The following CNTN5 variants were observed in gnomAD, a reference collection of about 807,000 sequenced individuals.
CNTN5 encodes the protein contactin 5, also known as contactin-5.
A neutral mutation model predicts 129.1 loss-of-function variants in CNTN5; 77 were observed. That is an observed-to-expected ratio of 0.60 (90% confidence interval 0.50 to 0.72). The LOEUF is 0.72. Among genes scored for constraint, CNTN5 ranks in the 30% least tolerant of loss-of-function variants. The pLI, the probability that CNTN5 is intolerant of heterozygous loss-of-function variation, is 0.00. For missense variants in CNTN5, 1,478 were observed against 1,328.8 expected, an observed-to-expected ratio of 1.11 and a Z score of -1.75; for synonymous variants, 509 against 465.6, an observed-to-expected ratio of 1.09 and a Z score of -1.20.
At chr11:99,810,703 TC>T (rs1248258485) in intron 3 of CNTN5, among the ~76,000 whole-genome samples, 1 of 152,138 alleles carries the variant, frequency 6.6e-6, no homozygotes, top group Non-Finnish European at 1.5e-5. Flanking sequence ...GTTTCATCCA[TC>T]CTTGCAAGCT....
At chr11:100,021,352 A>G (rs1318705434) in intron 9 of CNTN5, among the ~76,000 whole-genome samples, 2 of 152,132 alleles carry the variant, frequency 1.3e-5, no homozygotes, top group Non-Finnish European at 2.9e-5. Context: ...TGTTGCTCAA[A>G]TCTTCTATAT....
At chr11:99,226,068 T>C (rs1471421300) in intron 1 of CNTN5, among the ~76,000 whole-genome samples, 3 of 152,198 alleles carry the variant, frequency 2.0e-5, no homozygotes, top group Non-Finnish European at 4.4e-5. Context: ...TTACAAACTA[T>C]TAAGCAAATT....
At chr11:100,181,157 G>A (rs558727171) in intron 13 of CNTN5, among the ~76,000 whole-genome samples, 6 of 152,106 alleles carry the variant, frequency 3.9e-5, no homozygotes, top group African/African-American at 1.4e-4. Context: ...CTGCCCAGAT[G>A]TTGTTCAATA....
chr11:100,041,339 G>C (rs1178328610), intron 9 of CNTN5, among the ~76,000 whole-genome samples: 1 of 151,930 alleles, frequency 6.6e-6, no homozygotes, highest in East Asian at 1.9e-4. Flanking sequence ...TATTCTTTAA[G>C]TCATTACTTA....
chr11:99,337,470 A>T (rs1866279247), intron 2 of CNTN5, among the ~76,000 whole-genome samples: 1 of 152,234 alleles, frequency 6.6e-6, no homozygotes, highest in Admixed American at 6.5e-5. Flanking sequence ...AAACGAAGGG[A>T]TAGGCCGAAT....
intron 3 of CNTN5, among the ~76,000 whole-genome samples, chr11:99,677,891 A>G (rs1591465983): frequency 6.6e-6 from 1 of 152,204 alleles, no homozygotes; most frequent in African/African-American, 2.4e-5. Flanking sequence ...TTCTAAACAT[A>G]CCAAACACCT....
intron 6 of CNTN5, among the ~76,000 whole-genome samples, chr11:99,908,994 T>C (rs1402547017): frequency 2.0e-5 from 3 of 152,112 alleles, no homozygotes; most frequent in Non-Finnish European, 4.4e-5. Context: ...AAAACGGGGC[T>C]AATGAAAGTT....
chr11:100,088,543 G>A (rs1400791584), intron 13 of CNTN5, among the ~76,000 whole-genome samples: 2 of 151,796 alleles, frequency 1.3e-5, no homozygotes. Flanking sequence ...AATAAGAAAT[G>A]ACAAAGGTCA....
intron 1 of CNTN5, among the ~76,000 whole-genome samples, chr11:99,255,307 A>G (rs1365745819): frequency 6.6e-6 from 1 of 151,862 alleles, no homozygotes; most frequent in Non-Finnish European, 1.5e-5. Flanking sequence ...AACTATATGT[A>G]ACGAATAGTA....
intron 2 of CNTN5, among the ~76,000 whole-genome samples, chr11:99,373,197 G>A (rs752340049): frequency 6.6e-6 from 1 of 152,074 alleles, no homozygotes; most frequent in Non-Finnish European, 1.5e-5. Context: ...TGACAAGAAC[G>A]AAACTCCATC....
intron 20 of CNTN5, among the ~76,000 whole-genome samples, chr11:100,303,370 A>AT (rs1306300962): frequency 6.6e-6 from 1 of 151,632 alleles, no homozygotes; most frequent in Non-Finnish European, 1.5e-5. Context: ...TTTTTCCAAG[A>AT]TAAAAAATTA....
At chr11:99,209,926 A>G (rs1239602835) in intron 1 of CNTN5, among the ~76,000 whole-genome samples, 1 of 152,160 alleles carries the variant, frequency 6.6e-6, no homozygotes, top group Non-Finnish European at 1.5e-5. Context: ...AGACTAAATC[A>G]TAGTGTGATT....
intron 1 of CNTN5, among the ~76,000 whole-genome samples, chr11:99,085,967 CTG>C (rs1228779436): frequency 2.0e-5 from 3 of 152,144 alleles, no homozygotes; most frequent in East Asian, 3.9e-4. Context: ...CAGTAACACA[CTG>C]TAACAGATTT....
chr11:100,033,469 C>A (rs1414068484), intron 9 of CNTN5, among the ~76,000 whole-genome samples: 1 of 152,148 alleles, frequency 6.6e-6, no homozygotes, highest in Non-Finnish European at 1.5e-5. Context: ...AGTCTGCACC[C>A]ATGTCTATGT....
At chr11:99,961,178 C>T (rs1438323773) in intron 8 of CNTN5, among the ~76,000 whole-genome samples, 2 of 126,022 alleles carry the variant, frequency 1.6e-5, no homozygotes, top group African/African-American at 6.3e-5. Context: ...GCACTCCAGC[C>T]TGGGCCATAG....
rs368912453 is a variant in CNTN5 at position 99,689,530 on chromosome 11, G to GAAAAAA, written c.56-129997_56-129992dup. ...CGACAGAGTGAGACTCCTCAAAAAA[G>GAAAAAA]AAAAAAAAAAAAAAAAAAAAAAGGC... On this transcript the variant is annotated intron_variant, in intron 3 of 24. Coordinates refer to ENST00000524871, the MANE Select transcript of CNTN5 (RefSeq NM_014361.4). 1.8e-4 allele frequency among the ~76,000 whole-genome samples: 17 copies of GAAAAAA among 92,908 alleles called. 1 individual carries two copies. The highest frequency in any genetic ancestry group is 8.0e-4 in the East Asian group (2 of 2,494). The allele number at this position is 92,908 out of a possible 152,430, so 61.0% of individuals were successfully genotyped here.
At chr11:99,174,116 A>T (rs548060574) in intron 1 of CNTN5, among the ~76,000 whole-genome samples, 1 of 152,072 alleles carries the variant, frequency 6.6e-6, no homozygotes, top group Non-Finnish European at 1.5e-5. Context: ...TTCCTGCCTC[A>T]GCCTCCCGAG....
chr11:99,615,645 C>G (rs1950736546), intron 3 of CNTN5, among the ~76,000 whole-genome samples: 1 of 152,086 alleles, frequency 6.6e-6, no homozygotes, highest in African/African-American at 2.4e-5. Flanking sequence ...TACCTTTCAA[C>G]TAGTTACCCC....
intron 4 of CNTN5, among the ~76,000 whole-genome samples, chr11:99,831,491 T>A (rs1018970159): frequency 6.6e-6 from 1 of 152,220 alleles, no homozygotes; most frequent in Non-Finnish European, 1.5e-5. Context: ...TGCCGGCTGT[T>A]GGCGTTGCAG....
Sources: allele counts gnomAD v4.1 joint callset (sites outside exome capture counted in the v4.1 genomes callset), GRCh38; gene constraint gnomAD v4.1.1; transcripts MANE v1.5; gene names NCBI Gene and HGNC (gene_info 2026-07-23, HGNC 2026-07-21).